The following USH2A variants were observed in gnomAD, a reference collection of about 807,000 sequenced individuals.
USH2A encodes usherin, also known as Usher syndrome 2A (autosomal recessive, mild).
USH2A carries 443 observed loss-of-function variants against 538.9 expected under a neutral mutation model. The observed-to-expected ratio is 0.82, with a 90% CI of 0.76 to 0.89. The LOEUF (loss-of-function observed/expected upper bound fraction) is 0.89, where lower values mean the gene tolerates loss of function less well. USH2A is among the 40% of genes least tolerant of loss of function. The probability of loss-of-function intolerance (pLI) is 0.00; values close to 1 mark genes in which losing one functional copy is unlikely to be tolerated. For synonymous variants in USH2A, 2,413 were observed against 2,273.5 expected (o/e 1.06, Z -1.75); for missense variants, 6,633 against 6,324.8 (o/e 1.05, Z -1.65).
intron 47 of USH2A, among the ~76,000 whole-genome samples, chr1:215,836,526 T>TTATATA (rs370622396): frequency 3.8e-5 from 1 of 26,500 alleles, no homozygotes; most frequent in Non-Finnish European, 6.8e-5. Flanking sequence ...ATAATATATA[T>TTATATA]TATATATATA....
intron 13 of USH2A, among the ~76,000 whole-genome samples, chr1:216,239,325 A>T (rs1342248928): frequency 6.6e-6 from 1 of 152,184 alleles, no homozygotes. Context: ...GTGTTGTGAA[A>T]AAAACACCAC....
chr1:216,123,153 C>T (rs562988894), intron 21 of USH2A, among the ~76,000 whole-genome samples: 1 of 152,220 alleles, frequency 6.6e-6, no homozygotes, highest in South Asian at 2.1e-4. Context: ...GTTACACTTA[C>T]CAGAAAAGAA....
chr1:215,924,932 A>G (rs1457737728), intron 38 of USH2A, among the ~76,000 whole-genome samples: 1 of 152,088 alleles, frequency 6.6e-6, no homozygotes, highest in Non-Finnish European at 1.5e-5. Flanking sequence ...TTGAGTCCAT[A>G]GTAAGCACAC....
intron 16 of USH2A, among the ~76,000 whole-genome samples, chr1:216,201,110 C>T (rs1391746916): frequency 1.3e-5 from 2 of 149,404 alleles, no homozygotes; most frequent in Admixed American, 1.4e-4. Flanking sequence ...AAGACTGAAA[C>T]AGCAACAATG....
At chr1:216,400,503 G>A (rs1480468231) in intron 3 of USH2A, among the ~76,000 whole-genome samples, 5 of 151,868 alleles carry the variant, frequency 3.3e-5, no homozygotes, top group African/African-American at 1.2e-4. Context: ...GGAGAGAATG[G>A]CAGTGAAAAT....
chr1:215,916,767 C>A (rs1057160108), intron 38 of USH2A, among the ~76,000 whole-genome samples: 1 of 152,038 alleles, frequency 6.6e-6, no homozygotes, highest in African/African-American at 2.4e-5. Flanking sequence ...TAAAAAGACA[C>A]CACTGAATAC....
chr1:215,927,605 A>G (rs11581300), intron 38 of USH2A, among the ~76,000 whole-genome samples: 8,677 of 152,188 alleles, frequency 0.057, 271 homozygotes, highest in Admixed American at 0.088. Context: ...TGGTGGTTAC[A>G]GTGGAAACTA....
In USH2A at chr1:215,741,386, G is replaced by A. The variant is rs1553257498; in HGVS notation, c.11700C>T (p.Tyr3900=). 1 of 1,613,892 alleles carries A rather than the reference G, an allele frequency of 6.2e-7. No individual in the cohort carries two copies. Among genetic ancestry groups the A allele is most frequent in the Non-Finnish European group, 8.5e-7 (1 of 1,179,940 alleles). Residue 3900 remains tyrosine (Y), a synonymous_variant, in exon 60 of 72, where the codon TAC becomes TAT. Coordinates refer to ENST00000307340, the MANE Select transcript of USH2A (RefSeq NM_206933.4). ...PEKPNGIIIN[Y]FIYRRPAGIE... ...ACAGCCAATCTTACCTGTAAATAAAGTAGTTGATGATGATTCCATTTGGTT... is the reference window on the plus strand; with the variant it reads ...ACAGCCAATCTTACCTGTAAATAAAATAGTTGATGATGATTCCATTTGGTT...
chr1:215,684,658 G>A (rs1425182151), intron 61 of USH2A, among the ~76,000 whole-genome samples: 2 of 152,138 alleles, frequency 1.3e-5, no homozygotes, highest in African/African-American at 2.4e-5. Flanking sequence ...AGAGTATTAC[G>A]TGTCCATATT....
At chr1:215,873,087 T>C (rs938193990) in intron 43 of USH2A, among the ~76,000 whole-genome samples, 3 of 151,774 alleles carry the variant, frequency 2.0e-5, no homozygotes, top group Non-Finnish European at 1.5e-5. Flanking sequence ...CATAATATGA[T>C]GACACAGAAA....
chr1:215,745,260 A>G (rs369406705), intron 58 of USH2A, among the ~76,000 whole-genome samples: 7 of 152,210 alleles, frequency 4.6e-5, no homozygotes, highest in African/African-American at 1.7e-4. Context: ...TATAATCAGC[A>G]ACAAGGAGAC....
intron 48 of USH2A, among the ~76,000 whole-genome samples, chr1:215,814,232 T>C (rs1371184413): frequency 6.8e-6 from 1 of 147,148 alleles, no homozygotes; most frequent in Non-Finnish European, 1.5e-5. Context: ...TAATAAAAGA[T>C]ATAAGATGTA....
At chr1:216,354,830 A>G (rs2038353442) in intron 4 of USH2A, among the ~76,000 whole-genome samples, 1 of 152,132 alleles carries the variant, frequency 6.6e-6, no homozygotes, top group Admixed American at 6.6e-5. Flanking sequence ...AAAAAAGGAA[A>G]AAAAGAAAGA....
At chr1:215,833,961 A>C (rs1017012907) in intron 47 of USH2A, among the ~76,000 whole-genome samples, 1 of 152,150 alleles carries the variant, frequency 6.6e-6, no homozygotes, top group Non-Finnish European at 1.5e-5. Context: ...GCTTATCAGT[A>C]TCATTAGTCA....
At chr1:216,351,439 G>A (rs1229084933) in intron 4 of USH2A, among the ~76,000 whole-genome samples, 1 of 152,172 alleles carries the variant, frequency 6.6e-6, no homozygotes, top group East Asian at 1.9e-4. Context: ...CAAGGCAGAA[G>A]TGCACCTCCC....
chr1:216,270,922 GAATGAAACACCTGGGTACACA>G (rs2036562152), intron 11 of USH2A, among the ~76,000 whole-genome samples: 1 of 151,992 alleles, frequency 6.6e-6, no homozygotes, highest in Non-Finnish European at 1.5e-5. Flanking sequence ...AAGGTGGTGA[GAATGAAACACCTGGGTACACA>G]AAAGAGGATG....
At chr1:216,249,000 T>G (rs1042541292) in intron 12 of USH2A, among the ~76,000 whole-genome samples, 1 of 152,138 alleles carries the variant, frequency 6.6e-6, no homozygotes, top group Non-Finnish European at 1.5e-5. Flanking sequence ...ATTAGTAAGA[T>G]TTAACAGTTT....
intron 37 of USH2A, among the ~76,000 whole-genome samples, chr1:215,957,318 T>C (rs113330995): frequency 6.6e-6 from 1 of 152,296 alleles, no homozygotes; most frequent in African/African-American, 2.4e-5. Flanking sequence ...GGTCTGGGGC[T>C]GTTGTCTGTA....
At chr1:216,074,289 A>G (rs2031671645) in intron 27 of USH2A, among the ~76,000 whole-genome samples, 1 of 150,628 alleles carries the variant, frequency 6.6e-6, no homozygotes, top group Admixed American at 6.7e-5. Context: ...ATTGGGACAA[A>G]CAGGACCGAG....
Sources: gnomAD v4.1 joint callset for allele counts (sites outside exome capture counted in the v4.1 genomes callset) on GRCh38, gnomAD v4.1.1 for gene constraint, MANE v1.5 for transcripts, NCBI Gene and HGNC (gene_info 2026-07-23, HGNC 2026-07-21) for gene names.